The following MAP3K13 variants were observed in gnomAD, a reference collection of about 807,000 sequenced individuals.
The protein encoded by MAP3K13 is mitogen-activated protein kinase kinase kinase 13.
In MAP3K13, 52 loss-of-function variants were observed where a neutral mutation model predicts 104.0. The ratio of observed to expected loss-of-function variants is 0.50; its 90% CI spans 0.40 to 0.63. MAP3K13 has a LOEUF of 0.63. MAP3K13 is among the 20% of genes least tolerant of loss of function. The probability of loss-of-function intolerance (pLI) is 0.00; values close to 1 mark genes in which losing one functional copy is unlikely to be tolerated. For synonymous variants in MAP3K13, 394 were observed against 442.2 expected, an observed-to-expected ratio of 0.89 and a Z score of 1.37; for missense variants, 914 against 1,218.5, an observed-to-expected ratio of 0.75 and a Z score of 3.72.
At chr3:185,453,853 A>ATATATATAT (rs1716045634) in intron 7 of MAP3K13, among the ~76,000 whole-genome samples, 3 of 12,832 alleles carry the variant, frequency 2.3e-4, no homozygotes, top group African/African-American at 3.7e-4. Flanking sequence ...CATATATATG[A>ATATATATAT]GATATATATA....
At chr3:185,424,775 G>A (rs982516688) in intron 1 of MAP3K13, among the ~76,000 whole-genome samples, 3 of 152,218 alleles carry the variant, frequency 2.0e-5, no homozygotes, top group African/African-American at 7.2e-5. Flanking sequence ...TAACAGTAAC[G>A]TTCTATATCC....
intron 7 of MAP3K13, among the ~76,000 whole-genome samples, chr3:185,457,181 C>A (rs1716812446): frequency 6.6e-6 from 1 of 152,018 alleles, no homozygotes; most frequent in African/African-American, 2.4e-5. Flanking sequence ...TCAAGACACC[C>A]ATAGCATGGA....
At chr3:185,311,330 G>T (rs1184684711) in intron 2 of MAP3K13, among the ~76,000 whole-genome samples, 6 of 152,122 alleles carry the variant, frequency 3.9e-5, no homozygotes, top group Non-Finnish European at 1.5e-5. Flanking sequence ...AAATGAAGAA[G>T]AAGCAAAAGT....
chr3:185,302,833 T>C (rs1163972795), intron 2 of MAP3K13, among the ~76,000 whole-genome samples: 1 of 152,198 alleles, frequency 6.6e-6, no homozygotes, highest in Non-Finnish European at 1.5e-5. Flanking sequence ...TATTTCTTTT[T>C]CTTGTATAAT....
chr3:185,470,074 A>T (rs537097489), intron 10 of MAP3K13, among the ~76,000 whole-genome samples: 10 of 152,324 alleles, frequency 6.6e-5, no homozygotes, highest in African/African-American at 2.4e-4. Flanking sequence ...GGAACTCTGC[A>T]GAGAAGGGCT....
At chr3:185,443,849 CT>C in intron 4 of MAP3K13, 2 of 487,896 alleles carry the variant, frequency 4.1e-6, no homozygotes, top group Non-Finnish European at 3.6e-6. Flanking sequence ...ACCACTTTTC[CT>C]TTTTGGTGCT....
chr3:185,362,038 C>T (rs559045668), upstream of MAP3K13, among the ~76,000 whole-genome samples: 1 of 152,332 alleles, frequency 6.6e-6, no homozygotes, highest in East Asian at 1.9e-4. Context: ...CCACCACTTT[C>T]CTTCTCTCAC....
intron 1 of MAP3K13, among the ~76,000 whole-genome samples, chr3:185,416,910 A>C (rs1160191743): frequency 6.6e-6 from 1 of 151,834 alleles, no homozygotes; most frequent in East Asian, 1.9e-4. Context: ...GGCATGAGCC[A>C]CCTTGCCCAG....
At chr3:185,419,204 G>A (rs924805927) in intron 1 of MAP3K13, among the ~76,000 whole-genome samples, 1 of 152,106 alleles carries the variant, frequency 6.6e-6, no homozygotes, top group African/African-American at 2.4e-5. Context: ...GTTTCACCAT[G>A]TTGGCCAGGC....
At chr3:185,370,741 CAAAAAAA>C (rs60757309) in intron 1 of MAP3K13, among the ~76,000 whole-genome samples, 10 of 112,006 alleles carry the variant, frequency 8.9e-5, no homozygotes, top group Admixed American at 2.7e-4. Context: ...TCTCTGTAGT[CAAAAAAA>C]AAAAAAAAAA....
chr3:185,403,308 G>A (rs1360666863), intron 1 of MAP3K13, among the ~76,000 whole-genome samples: 1 of 152,192 alleles, frequency 6.6e-6, no homozygotes, highest in Admixed American at 6.5e-5. Flanking sequence ...GGGCCACAGA[G>A]TGGTCTTTTC....
At chr3:185,326,486 A>G (rs1050712556) in intron 2 of MAP3K13, among the ~76,000 whole-genome samples, 2 of 152,136 alleles carry the variant, frequency 1.3e-5, no homozygotes, top group Non-Finnish European at 2.9e-5. Flanking sequence ...GTAGCAGCTG[A>G]CATTTACCCA....
intron 7 of MAP3K13, among the ~76,000 whole-genome samples, chr3:185,452,850 A>G (rs762691067): frequency 5.3e-5 from 8 of 152,156 alleles, no homozygotes; most frequent in Non-Finnish European, 1.0e-4. Context: ...GCAAGTCCCA[A>G]TGCACAAGTG....
At chr3:185,464,154 G>A (rs1052874528) in intron 8 of MAP3K13, among the ~76,000 whole-genome samples, 6 of 152,100 alleles carry the variant, frequency 3.9e-5, no homozygotes, top group Non-Finnish European at 7.4e-5. Flanking sequence ...GTGTGGTGGC[G>A]CACGATGCCT....
At chr3:185,289,797 T>C (rs954373241) in intron 2 of MAP3K13, among the ~76,000 whole-genome samples, 23 of 152,214 alleles carry the variant, frequency 1.5e-4, no homozygotes, top group Admixed American at 6.5e-5. Context: ...TTATGTTTGG[T>C]ATTTTCTATT....
chr3:185,455,626 T>TC (rs1716582738), intron 7 of MAP3K13, among the ~76,000 whole-genome samples: 1 of 8,912 alleles, frequency 1.1e-4, no homozygotes, highest in Non-Finnish European at 2.4e-4. Flanking sequence ...AGATATATGA[T>TC]ATATATATGA....
intron 1 of MAP3K13, chr3:185,417,487 T>G (rs1356827546): frequency 6.3e-7 from 1 of 1,582,500 alleles, no homozygotes; most frequent in Non-Finnish European, 8.5e-7. Context: ...ATAATCAAAT[T>G]TAAGAGTTTA....
intron 1 of MAP3K13, among the ~76,000 whole-genome samples, chr3:185,414,005 T>C (rs1713600623): frequency 6.6e-6 from 1 of 152,186 alleles, no homozygotes; most frequent in East Asian, 1.9e-4. Context: ...CTAGACCTTT[T>C]TTAGTTAAAC....
intron 2 of MAP3K13, among the ~76,000 whole-genome samples, chr3:185,295,438 C>T (rs1486182821): frequency 1.3e-5 from 2 of 152,146 alleles, no homozygotes; most frequent in African/African-American, 4.8e-5. Context: ...CTCCTGACCT[C>T]GTGATCCACC....
Sources: gnomAD v4.1 joint callset for allele counts (sites outside exome capture counted in the v4.1 genomes callset) on GRCh38, gnomAD v4.1.1 for gene constraint, MANE v1.5 for transcripts, NCBI Gene and HGNC (gene_info 2026-07-23, HGNC 2026-07-21) for gene names.